Variants in PLA2G15 observed in about 807,000 individuals in gnomAD.
PLA2G15 encodes phospholipase A2 group XV.
A neutral mutation model predicts 40.9 loss-of-function variants in PLA2G15; 20 were observed. That is an observed-to-expected ratio of 0.49 (90% CI 0.34 to 0.71). The LOEUF (loss-of-function observed/expected upper bound fraction) is 0.71. Ranked by LOEUF, PLA2G15 falls within the 30% of genes least tolerant of loss-of-function variation. The pLI, the probability that PLA2G15 is intolerant of heterozygous loss-of-function variation, is 0.01. For missense variants in PLA2G15, 471 were observed against 541.9 expected (o/e 0.87, Z 1.30); for synonymous variants, 223 against 228.2 (o/e 0.98, Z 0.21).
Position 68,259,450 on chromosome 16 carries a change from T to C in PLA2G15, c.1032T>C (p.Tyr344=). Residue 344 remains tyrosine (Y), a synonymous_variant, in exon 6 of 6, where the codon TAT becomes TAC. Transcript: ENST00000219345. The surrounding 1 kb of genome is among the most constrained non-coding windows in gnomAD (Gnocchi z 6.5). ...TGVPTPDSFY[Y]ESFPDRDPKI... is the part of the protein sequence containing the mutation. ...TCCCCACACCAGACTCCTTCTACTA[T>C]GAGAGCTTCCCTGACCGTGACCCTA... is the stretch of plus-strand genomic sequence containing the variant. 1 of 1,613,848 alleles carries C rather than the reference T, an allele frequency of 6.2e-7. No homozygotes were observed. The highest frequency in any genetic ancestry group is 8.5e-7 in the Non-Finnish European group (1 of 1,179,984).
At chr16:68,256,846 C>G (rs575478582) in intron 5 of PLA2G15, among the ~76,000 whole-genome samples, 3 of 151,908 alleles carry the variant, frequency 2.0e-5, no homozygotes, top group South Asian at 4.2e-4. Context: ...TTCTTCATCC[C>G]CACCTTCACC....
chr16:68,246,385 G>A (rs762342549), intron 1 of PLA2G15, among the ~76,000 whole-genome samples: 4 of 152,232 alleles, frequency 2.6e-5, no homozygotes, highest in Non-Finnish European at 2.9e-5. Flanking sequence ...TGGTGTGTCC[G>A]TGGCCAGCCA....
At chr16:68,257,258 C>T in intron 5 of PLA2G15, among the ~76,000 whole-genome samples, 1 of 152,096 alleles carries the variant, frequency 6.6e-6, no homozygotes, top group East Asian at 1.9e-4. Context: ...CTCCTGACCT[C>T]AAATGATCTG....
rs976687750 is a variant in PLA2G15 at position 68,255,928 on chromosome 16, C to G, written c.665C>G (p.Ala222Gly). 7 of 1,612,862 alleles carry G rather than the reference C, an allele frequency of 4.3e-6. No homozygotes were observed. The African/African-American group carries it at 5.3e-5, about 12-fold the overall frequency. ...GCCTGGAAGGACAAGTATATCCGGGCCTTCGTGTCACTGGGTGCGCCCTGG... is the reference window on the plus strand; with the variant it reads ...GCCTGGAAGGACAAGTATATCCGGGGCTTCGTGTCACTGGGTGCGCCCTGG... ...PQAWKDKYIR[A>G]FVSLGAPWGG... is the part of the protein sequence containing the mutation. The change falls in exon 5 of 6, where the codon GCC (alanine) becomes GGC (glycine). Residue 222 changes from alanine to glycine, a missense_variant. Coordinates refer to ENST00000219345, the MANE Select transcript of PLA2G15 (RefSeq NM_012320.4). This position sits in a 1 kb window ranked among gnomAD's most constrained non-coding sequence, Gnocchi z 5.9.
intron 2 of PLA2G15, among the ~76,000 whole-genome samples, chr16:68,250,514 G>A (rs1287602802): frequency 1.3e-5 from 2 of 151,826 alleles, no homozygotes; most frequent in African/African-American, 2.4e-5. Context: ...CTTGTGATCC[G>A]CCTGCCTCAG....
In PLA2G15 at chr16:68,252,675, G is replaced by A. The variant is rs567108532; in HGVS notation, c.285-2244G>A. 1.9e-4 allele frequency: 84 copies of A among 451,804 alleles called. 1 individual carries two copies. The highest frequency in any genetic ancestry group is 1.3e-3 in the South Asian group (84 of 63,982). The allele number at this position is 451,804 out of a possible 1,614,324, so 28.0% of individuals were successfully genotyped here. A position where few individuals can be genotyped will look rare whatever the true frequency, so the allele number is the denominator to read the frequency against. On this transcript the variant is annotated intron_variant, in intron 2 of 5. Coordinates refer to ENST00000219345, the MANE Select transcript of PLA2G15 (RefSeq NM_012320.4). The stretch of plus-strand genomic sequence containing the variant: ...TGTGGTAATTTATTACACAGTTCTA[G>A]AAAACTAATAGGCTGGGTGCAGTGG...
intron 2 of PLA2G15, among the ~76,000 whole-genome samples, chr16:68,251,887 A>G (rs990495242): frequency 2.7e-5 from 4 of 148,248 alleles, no homozygotes; most frequent in African/African-American, 9.9e-5. Flanking sequence ...AGTTTTTCCC[A>G]GAGACCCGCT....
At chr16:68,250,101 G>A (rs577946696) in intron 2 of PLA2G15, among the ~76,000 whole-genome samples, 2 of 148,838 alleles carry the variant, frequency 1.3e-5, no homozygotes, top group East Asian at 4.0e-4. Context: ...GACATGCCAT[G>A]TCTTTGTACC....
chr16:68,247,174 T>C (rs1484858745), intron 1 of PLA2G15, among the ~76,000 whole-genome samples: 2 of 151,840 alleles, frequency 1.3e-5, no homozygotes, highest in African/African-American at 4.8e-5. Context: ...CGGTGGGCAG[T>C]TGGATAAGCA....
intron 2 of PLA2G15, 120 bp downstream of exon 2, chr16:68,249,566 C>T (rs542827340): frequency 2.4e-5 from 22 of 935,304 alleles, no homozygotes; most frequent in East Asian, 1.5e-4. Flanking sequence ...CCCAGGTCCT[C>T]GGTCTGGTCT....
chr16:68,247,287 G>A (rs1338797940), intron 1 of PLA2G15, among the ~76,000 whole-genome samples: 5 of 152,188 alleles, frequency 3.3e-5, no homozygotes, highest in African/African-American at 7.2e-5. Context: ...GACCAGCGAT[G>A]TGATACAGAA....
chr16:68,249,639 C>T (rs2042337929), intron 2 of PLA2G15, among the ~76,000 whole-genome samples, 193 bp downstream of exon 2: 1 of 152,212 alleles, frequency 6.6e-6, no homozygotes, highest in African/African-American at 2.4e-5. Context: ...CTTCCTGCTG[C>T]CCTTGTTCCT....
chr16:68,249,256 C>A (rs747488254), intron 1 of PLA2G15, 34 bp from the exon 2 acceptor site: 19 of 1,606,250 alleles, frequency 1.2e-5, no homozygotes, highest in Non-Finnish European at 1.5e-5. Context: ...ACCTGCCGGG[C>A]TGAGGGCTCA....
In PLA2G15 at chr16:68,245,470, A is replaced by T. The variant is rs1249434801; in HGVS notation, c.44A>T (p.Asp15Val). ...CCCTACCGTGTGGGGCTGCTCCCGG[A>T]TGGCCTCCTGTTCCTCTTGCTGCTG... ...LRPYRVGLLP[D>V]GLLFLLLLLM... The change falls in exon 1 of 6, where the codon GAT becomes GTT. Residue 15 changes from aspartate (D) to valine (V), a missense_variant. Asp to Val is a radical substitution (Grantham distance 152). Transcript: ENST00000219345. The T allele has an allele frequency of 1.2e-6, 2 of 1,606,624 alleles. No homozygotes were observed. Among genetic ancestry groups the T allele is most frequent in the East Asian group, 2.2e-5 (1 of 44,836 alleles).
chr16:68,252,257 G>A (rs2042360811), intron 2 of PLA2G15, among the ~76,000 whole-genome samples: 1 of 152,140 alleles, frequency 6.6e-6, no homozygotes, highest in Non-Finnish European at 1.5e-5. Flanking sequence ...GGAGAGAATG[G>A]GCCTCCAGGA....
chr16:68,250,345 A>G (rs192566773), intron 2 of PLA2G15: 28 of 296,590 alleles, frequency 9.4e-5, no homozygotes, highest in African/African-American at 6.1e-4. Context: ...ATCTCGGCTC[A>G]CTGCAAGCTC....
intron 2 of PLA2G15, among the ~76,000 whole-genome samples, chr16:68,251,142 A>G (rs1322141542): frequency 6.6e-6 from 1 of 150,670 alleles, no homozygotes; most frequent in African/African-American, 2.4e-5. Flanking sequence ...GGTGGTTTTT[A>G]AACCTGCTTT....
intron 5 of PLA2G15, among the ~76,000 whole-genome samples, chr16:68,258,334 G>C (rs1221350022): frequency 1.3e-5 from 2 of 152,178 alleles, no homozygotes; most frequent in Non-Finnish European, 2.9e-5. Context: ...TGTCATAAAA[G>C]GGAAAGCAGA....
In PLA2G15 at chr16:68,253,691, G is replaced by T. The variant is rs57440032; in HGVS notation, c.285-1228G>T. ...TGCCTGGCCTAGTGTGTTTTGTTTTGTTTTTTTTTTTTTTTTGAGACAGGG... is the reference window on the plus strand; with the variant it reads ...TGCCTGGCCTAGTGTGTTTTGTTTTTTTTTTTTTTTTTTTTTGAGACAGGG... On this transcript the variant is annotated intron_variant, in intron 2 of 5. Transcript: ENST00000219345. Among the ~76,000 whole-genome samples the T allele has an allele frequency of 2.7e-3, 338 of 124,874 alleles. 1 individual carries two copies. Among genetic ancestry groups the T allele is most frequent in the South Asian group, 9.2e-3 (36 of 3,908 alleles). 81.9% of individuals were successfully genotyped at this position (124,874 alleles called of 152,430 possible).
Sources: gnomAD v4.1 joint callset for allele counts (sites outside exome capture counted in the v4.1 genomes callset) on GRCh38, gnomAD v4.1.1 for gene constraint, Gnocchi (gnomAD v3.1) non-coding constraint, MANE v1.5 for transcripts, NCBI Gene and HGNC (gene_info 2026-07-23, HGNC 2026-07-21) for gene names.